ARHGEF18: variants seen among roughly 807,000 people sequenced by gnomAD.
The protein encoded by ARHGEF18 is rho guanine nucleotide exchange factor 18.
In ARHGEF18, 93 loss-of-function variants were observed where a neutral mutation model predicts 155.7. The ratio of observed to expected loss-of-function variants is 0.60; its 90% confidence interval spans 0.50 to 0.71. The LOEUF (loss-of-function observed/expected upper bound fraction) is 0.71. ARHGEF18 is among the 30% of genes least tolerant of loss of function. ARHGEF18 has a pLI of 0.00. For synonymous variants in ARHGEF18, 742 were observed against 753.1 expected (o/e 0.99, Z 0.24); for missense variants, 1,593 against 1,816.1 (o/e 0.88, Z 2.23).
chr19:7,388,778 A>C (rs952691862), intron 10 of ARHGEF18, among the ~76,000 whole-genome samples: 1 of 145,924 alleles, frequency 6.9e-6, no homozygotes, highest in Non-Finnish European at 1.5e-5. Flanking sequence ...ATGGGGTTTC[A>C]CCATGTTGGC....
chr19:7,462,198 G>T lies in ARHGEF18; in HGVS notation c.2499G>T (p.Glu833Asp), dbSNP rs146162173. The T allele has an allele frequency of 6.2e-7, 1 of 1,614,028 alleles. No homozygotes were observed. Among genetic ancestry groups the T allele is most frequent in the Non-Finnish European group, 8.5e-7 (1 of 1,180,044 alleles). Residue 833 changes from glutamate (E) to aspartate (D), a missense_variant, in exon 21 of 29, where the codon GAG becomes GAT. Transcript: ENST00000668164. This position sits in a 1 kb window ranked among gnomAD's most constrained non-coding sequence, Gnocchi z 4.4. ...AGCTGATCGCACAGAGCCTCCTAGA[G>T]AAACAGCAGATCTACCTGGAGATGG... ...KDQLIAQSLL[E>D]KQQIYLEMAE...
At chr19:7,396,401 T>C (rs1049919250) in intron 10 of ARHGEF18, among the ~76,000 whole-genome samples, 1 of 151,978 alleles carries the variant, frequency 6.6e-6, no homozygotes, top group Non-Finnish European at 1.5e-5. Context: ...TCTGAGTGAA[T>C]GATTAATCCT....
intron 10 of ARHGEF18, among the ~76,000 whole-genome samples, chr19:7,401,035 G>C (rs1971998609): frequency 6.6e-6 from 1 of 152,102 alleles, no homozygotes; most frequent in Non-Finnish European, 1.5e-5. Flanking sequence ...GAGCAAAATT[G>C]AATTTAGAAA....
At chr19:7,452,463 T>C (rs540829307) in intron 16 of ARHGEF18, among the ~76,000 whole-genome samples, 1 of 152,162 alleles carries the variant, frequency 6.6e-6, no homozygotes, top group African/African-American at 2.4e-5. Context: ...AATTTATTTA[T>C]TTATTTATTT....
At chr19:7,458,905 G>A (rs1485827419) in intron 19 of ARHGEF18, among the ~76,000 whole-genome samples, 3 of 152,214 alleles carry the variant, frequency 2.0e-5, no homozygotes, top group Non-Finnish European at 4.4e-5. Context: ...CTTTCTGCAT[G>A]CGTGGGCCAC....
At chr19:7,473,986 G>C (rs1337591797), downstream of ARHGEF18, among the ~76,000 whole-genome samples, 1 of 142,188 alleles carries the variant, frequency 7.0e-6, no homozygotes. Context: ...CTGTCTATAA[G>C]AGCTTAAAAA....
downstream of ARHGEF18, among the ~76,000 whole-genome samples, chr19:7,476,264 A>G (rs1217730445): frequency 6.6e-6 from 1 of 152,236 alleles, no homozygotes; most frequent in African/African-American, 2.4e-5. Flanking sequence ...TGAGGCTATG[A>G]TCGCACCACT....
chr19:7,468,817 C>T lies in ARHGEF18; in HGVS notation c.3481-8C>T. The T allele has an allele frequency of 6.5e-7, 1 of 1,536,592 alleles. No homozygotes were observed. Among genetic ancestry groups the T allele is most frequent in the Non-Finnish European group, 8.8e-7 (1 of 1,136,156 alleles). On this transcript the variant is annotated splice_region_variant and splice_polypyrimidine_tract_variant and intron_variant, in intron 26 of 28. Coordinates refer to ENST00000668164, the MANE Select transcript of ARHGEF18 (RefSeq NM_001367823.1). ...TCACATTGGATGTATCTGCTGTTGT[C>T]CCCTCAGGCCCAGCCCCCAAGCCAC...
intron 10 of ARHGEF18, among the ~76,000 whole-genome samples, chr19:7,390,196 A>G (rs1392237659): frequency 6.6e-6 from 1 of 152,100 alleles, no homozygotes; most frequent in Non-Finnish European, 1.5e-5. Flanking sequence ...CCCTGTTCCT[A>G]AAAAGAAAAA....
intron 1 of ARHGEF18, among the ~76,000 whole-genome samples, chr19:7,356,562 G>A (rs960826430): frequency 1.3e-5 from 2 of 152,086 alleles, no homozygotes; most frequent in Non-Finnish European, 2.9e-5. Flanking sequence ...GTGTGAGCCA[G>A]CGCGCCCAGC....
chr19:7,413,155 G>T (rs1170479784), intron 10 of ARHGEF18, among the ~76,000 whole-genome samples: 1 of 152,070 alleles, frequency 6.6e-6, no homozygotes, highest in African/African-American at 2.4e-5. Flanking sequence ...TTATGGGCTG[G>T]GTATGGTGGC....
At position 7,367,758 on chromosome 19, in the gene ARHGEF18, A is replaced by ATAT. The variant is rs1555699267; in HGVS notation, c.15+4853_15+4854insTAT. Among the ~76,000 whole-genome samples the ATAT allele has an allele frequency of 3.0e-4, 22 of 74,114 alleles. 4 individuals are homozygous for ATAT. The highest frequency in any genetic ancestry group is 1.1e-3 in the African/African-American group (16 of 14,060). 48.6% of individuals were successfully genotyped at this position (74,114 alleles called of 152,430 possible). On this transcript the variant is annotated intron_variant, in intron 2 of 28. Transcript: ENST00000668164. ...TGAAACTCCATCTCAAAAAAAAAAA[A>ATAT]ATATATATATATATACACATATATA...
At chr19:7,405,358 G>A (rs1049293517) in intron 10 of ARHGEF18, among the ~76,000 whole-genome samples, 2 of 152,320 alleles carry the variant, frequency 1.3e-5, no homozygotes, top group Non-Finnish European at 2.9e-5. Context: ...CTGTGTGTGT[G>A]TTTCCCCTCT....
chr19:7,467,211 C>A lies in ARHGEF18; in HGVS notation c.3010-3C>A. The A allele has an allele frequency of 1.3e-6, 2 of 1,584,854 alleles. No homozygotes were observed. The highest frequency in any genetic ancestry group is 8.6e-7 in the Non-Finnish European group (1 of 1,161,784). The stretch of plus-strand genomic sequence containing the variant: ...TCACTCGCCTGGCCCTGGCCCTCCG[C>A]AGGCGGTAATCGCCCACCAGGACAG... On this transcript the variant is annotated splice_polypyrimidine_tract_variant and splice_region_variant and intron_variant, in intron 25 of 28. Transcript: ENST00000668164.
At chr19:7,381,366 C>T (rs1204803151) in intron 8 of ARHGEF18, among the ~76,000 whole-genome samples, 1 of 152,098 alleles carries the variant, frequency 6.6e-6, no homozygotes, top group African/African-American at 2.4e-5. Flanking sequence ...TACACAAAGG[C>T]GCTCACACTT....
chr19:7,434,681 C>T lies in ARHGEF18; in HGVS notation c.968-5663C>T, dbSNP rs58154286. On this transcript the variant is annotated intron_variant, in intron 10 of 28. Transcript: ENST00000668164. Reference sequence around the variant, plus strand: ...GATAAATATGTATCCCTGTCTCTCTCGGAGCCAAGAGCAGAGCGACTAATT... The same window carrying T: ...GATAAATATGTATCCCTGTCTCTCTTGGAGCCAAGAGCAGAGCGACTAATT... Among the ~76,000 whole-genome samples, 1,111 of 152,282 alleles carry T rather than the reference C, an allele frequency of 7.3e-3. 16 individuals carry two copies. The highest frequency in any genetic ancestry group is 0.025 in the African/African-American group (1,051 of 41,550).
chr19:7,419,117 C>A (rs1338614882), intron 10 of ARHGEF18, among the ~76,000 whole-genome samples: 1 of 147,940 alleles, frequency 6.8e-6, no homozygotes, highest in African/African-American at 2.6e-5. Context: ...CCTCTGTACC[C>A]CAGATGTACC....
At chr19:7,397,502 G>T (rs554079530) in intron 10 of ARHGEF18, among the ~76,000 whole-genome samples, 2 of 152,030 alleles carry the variant, frequency 1.3e-5, no homozygotes, top group South Asian at 2.1e-4. Flanking sequence ...GAGGCCCGGG[G>T]GGGGGCAGAT....
At position 7,399,895 on chromosome 19, in the gene ARHGEF18, C is replaced by A. The variant is rs1971943784; in HGVS notation, c.967+16692C>A. On this transcript the variant is annotated intron_variant, in intron 10 of 28. Transcript: ENST00000668164. ...TCAAGCAATCCTCCCACTTCAGCCT[C>A]CCAAGGAGCTAGGACTATAGGTGCG... 3.3e-5 allele frequency among the ~76,000 whole-genome samples: 5 copies of A among 151,816 alleles called. No homozygotes were observed. In the South Asian group the frequency reaches 1.0e-3, roughly 32 times the overall value.
Sources: allele counts gnomAD v4.1 joint callset (sites outside exome capture counted in the v4.1 genomes callset), GRCh38; gene constraint gnomAD v4.1.1; non-coding constraint Gnocchi (gnomAD v3.1); transcripts MANE v1.5; gene names NCBI Gene and HGNC (gene_info 2026-07-23, HGNC 2026-07-21).